PTBP1: variants seen among roughly 807,000 people sequenced by gnomAD.
The protein encoded by PTBP1 is polypyrimidine tract-binding protein 1.
A neutral mutation model predicts 59.8 loss-of-function variants in PTBP1; 8 were observed. The ratio of observed to expected loss-of-function variants is 0.13; its 90% confidence interval spans 0.08 to 0.24. The LOEUF (loss-of-function observed/expected upper bound fraction) is 0.24, where lower values mean the gene tolerates loss of function less well. PTBP1 is among the 10% of genes least tolerant of loss of function. PTBP1 has a pLI of 1.00. For missense variants in PTBP1, 686 were observed against 767.0 expected, an observed-to-expected ratio of 0.89 and a Z score of 1.25; for synonymous variants, 490 against 320.7, an observed-to-expected ratio of 1.53 and a Z score of -5.64.
chr19:806,247 G>C, intron 9 of PTBP1, 161 bp from the exon 10 acceptor site: 2 of 720,076 alleles, frequency 2.8e-6, no homozygotes, highest in South Asian at 2.3e-5. Flanking sequence ...GTGGCTGTGC[G>C]GGGGTCGGAC....
intron 13 of PTBP1, among the ~76,000 whole-genome samples, chr19:809,197 C>T (rs1233103043): frequency 6.6e-5 from 10 of 151,904 alleles, no homozygotes; most frequent in South Asian, 2.1e-4. Context: ...TTAGTAGAGA[C>T]GGGGTTTCAC....
chr19:808,292 CG>C lies in PTBP1; in HGVS notation c.1154-64del. 7.5e-7 allele frequency: 1 copy of C among 1,337,364 alleles called. No individual in the cohort carries two copies. The highest frequency in any genetic ancestry group is 1.0e-6 in the Non-Finnish European group (1 of 954,826). 82.8% of individuals were successfully genotyped at this position (1,337,364 alleles called of 1,614,324 possible). A position where few individuals can be genotyped will look rare whatever the true frequency, so the allele number is the denominator to read the frequency against. ...CGGGCCTTGTGGGGGTGCGCGGGGC[CG>C]GGGCTGACGGGGAGATGGGCGGGGC... On this transcript the variant is annotated intron_variant, in intron 11 of 14. Coordinates refer to ENST00000356948, the MANE Select transcript of PTBP1 (RefSeq NM_002819.5). The surrounding 1 kb of genome is among the most constrained non-coding windows in gnomAD (Gnocchi z 4.7).
At chr19:803,407 G>C (rs923022082) in intron 2 of PTBP1, among the ~76,000 whole-genome samples, 154 bp from the exon 3 acceptor site, 1 of 152,208 alleles carries the variant, frequency 6.6e-6, no homozygotes, top group Non-Finnish European at 1.5e-5. Flanking sequence ...GGCTGGGTCT[G>C]CGCTCAGGCT....
At chr19:801,681 A>T (rs558900387) in intron 2 of PTBP1, among the ~76,000 whole-genome samples, 42 of 152,284 alleles carry the variant, frequency 2.8e-4, no homozygotes, top group African/African-American at 1.0e-3. Flanking sequence ...AGCAGACAGG[A>T]AGCGACTTCC....
chr19:805,333 C>A, intron 8 of PTBP1, 146 bp downstream of exon 8: 5 of 1,207,476 alleles, frequency 4.1e-6, no homozygotes, highest in Non-Finnish European at 5.9e-6. Context: ...GGTCCAGTGT[C>A]CCCCACGTCG....
chr19:809,403 G>T (rs139822492), intron 13 of PTBP1, among the ~76,000 whole-genome samples: 335 of 152,074 alleles, frequency 2.2e-3, no homozygotes, highest in African/African-American at 7.8e-3. Context: ...TGCAAGTTCT[G>T]CCTCCTGGGT....
chr19:804,982 C>A (rs780895451), intron 7 of PTBP1, 31 bp from the exon 8 acceptor site: 5 of 1,612,130 alleles, frequency 3.1e-6, no homozygotes, highest in African/African-American at 1.3e-5. Context: ...GGCCCTGGCC[C>A]GGCGACGTCT....
intron 10 of PTBP1, 116 bp downstream of exon 10, chr19:806,672 C>A: frequency 9.7e-7 from 1 of 1,028,106 alleles, no homozygotes; most frequent in Non-Finnish European, 1.3e-6. Flanking sequence ...CGCCTCTGCC[C>A]TGGCAGCCCC....
Position 803,586 on chromosome 19 carries a change from C to T in PTBP1, c.65C>T (p.Thr22Ile), listed in dbSNP as rs150037050. The T allele has an allele frequency of 7.4e-6, 12 of 1,614,060 alleles. No homozygotes were observed. In the African/African-American group the frequency reaches 1.3e-4, roughly 18 times the overall value. Residue 22 changes from threonine (T) to isoleucine (I), a missense_variant, in exon 3 of 15, where the codon ACT becomes ATT. Coordinates refer to ENST00000356948, the MANE Select transcript of PTBP1 (RefSeq NM_002819.5). ...TKRGSDELFS[T>I]CVTNGPFIMS... The stretch of plus-strand genomic sequence containing the variant: ...CGGGGATCTGACGAGCTTTTCTCTA[C>T]TTGTGTCACTAACGGACCGTTTATC...
Position 811,708 on chromosome 19 carries a change from T to A in PTBP1, c.*882T>A, listed in dbSNP as rs1335342255. ...GTGGGTCAGGCACAGGGAGCCCCGG[T>A]CCTATCTTAGAGCCCCTGAGCTTCA... On this transcript the variant is annotated 3_prime_UTR_variant, in exon 15 of 15. Coordinates refer to ENST00000356948, the MANE Select transcript of PTBP1 (RefSeq NM_002819.5). 6.6e-6 allele frequency: 1 copy of A among 152,356 alleles called. No homozygotes were observed. Among genetic ancestry groups the A allele is most frequent in the Non-Finnish European group, 1.5e-5 (1 of 68,036 alleles). 9.4% of individuals were successfully genotyped at this position (152,356 alleles called of 1,614,324 possible).
rs1444631966 is a variant in PTBP1 at position 804,675 on chromosome 19, C to T, written c.579C>T (p.Tyr193=). 9 of 1,612,882 alleles carry T rather than the reference C, an allele frequency of 5.6e-6. No individual in the cohort carries two copies. The highest frequency in any genetic ancestry group is 2.2e-5 in the East Asian group (1 of 44,878). The change falls in exon 6 of 15, where the codon TAC becomes TAT. Residue 193 remains tyrosine, a synonymous_variant. Coordinates refer to ENST00000356948, the MANE Select transcript of PTBP1 (RefSeq NM_002819.5). ...GGATCATCGTGGAGAACCTCTTCTA[C>T]CCTGTGACCCTGGATGTGCTGCACC... The part of the protein sequence containing the change: ...VLRIIVENLF[Y]PVTLDVLHQI...
chr19:807,646 CAAAA>C, intron 10 of PTBP1: 4 of 490,568 alleles, frequency 8.2e-6, no homozygotes, highest in Non-Finnish European at 1.4e-5. Context: ...TTGCTTGAAA[CAAAA>C]CAAAAACATA....
chr19:806,117 G>T, intron 9 of PTBP1: 1 of 351,256 alleles, frequency 2.8e-6, no homozygotes, highest in Admixed American at 4.9e-5. Flanking sequence ...CGAGGGCCCC[G>T]TGTCTGTGCT....
At chr19:798,551 TC>T (rs1322103778) in intron 1 of PTBP1, 1 of 152,164 alleles carries the variant, frequency 6.6e-6, no homozygotes, top group African/African-American at 2.4e-5. Context: ...GGCAGGTGGG[TC>T]CTGCAGACGG....
chr19:808,137 C>G lies in PTBP1; in HGVS notation c.1154-223C>G, dbSNP rs2034663303. 1 of 629,642 alleles carries G rather than the reference C, an allele frequency of 1.6e-6. No homozygotes were observed. The highest frequency in any genetic ancestry group is 1.9e-5 in the South Asian group (1 of 51,576). 39.0% of individuals were successfully genotyped at this position (629,642 alleles called of 1,614,324 possible). A position where few individuals can be genotyped will look rare whatever the true frequency, so the allele number is the denominator to read the frequency against. ...CTGTCGGTGGCATATGCCACCGTGG[C>G]CACCCGCTGGCAGCTTACCTGTCCT... On this transcript the variant is annotated intron_variant, in intron 11 of 14. Transcript: ENST00000356948. This position sits in a 1 kb window ranked among gnomAD's most constrained non-coding sequence, Gnocchi z 4.7.
Position 808,718 on chromosome 19 carries a change from G to T in PTBP1, c.1419G>T (p.Gln473His). The stretch of plus-strand genomic sequence containing the variant: ...AGAAGCCGGGCTCCAAGAACTTCCA[G>T]AACATATTCCCGCCCTCGGCCACGC... ...RFKKPGSKNF[Q>H]NIFPPSATLH... Residue 473 changes from glutamine to histidine, a missense_variant, in exon 13 of 15, where the codon CAG (glutamine) becomes CAT (histidine). Gln to His is a conservative substitution (Grantham distance 24). Transcript: ENST00000356948. The surrounding 1 kb of genome is among the most constrained non-coding windows in gnomAD (Gnocchi z 4.7). 6.2e-7 allele frequency: 1 copy of T among 1,613,218 alleles called. No homozygotes were observed. The highest frequency in any genetic ancestry group is 8.5e-7 in the Non-Finnish European group (1 of 1,179,898).
intron 4 of PTBP1, 24 bp from the exon 5 acceptor site, chr19:804,268 C>T: frequency 6.2e-7 from 1 of 1,612,984 alleles, no homozygotes; most frequent in Non-Finnish European, 8.5e-7. Flanking sequence ...GAGGAGGGCC[C>T]AGCGCTCACT....
Position 806,502 on chromosome 19 carries a change from G to C in PTBP1, c.1065G>C (p.Pro355=). ...CGGCGGCAGGTCGGATCGCCATCCC[G>C]GGCCTGGCGGGGGCAGGAAATTCTG... ...AAAAAGRIAI[P]GLAGAGNSVL... The change falls in exon 10 of 15, where the codon CCG becomes CCC. Residue 355 remains proline, a synonymous_variant. Coordinates refer to ENST00000356948, the MANE Select transcript of PTBP1 (RefSeq NM_002819.5). 1.9e-6 allele frequency: 3 copies of C among 1,572,818 alleles called. No individual in the cohort carries two copies. The highest frequency in any genetic ancestry group is 4.8e-5 in the East Asian group (2 of 41,292).
At position 808,625 on chromosome 19, in the gene PTBP1, G is replaced by T. The variant is rs1026736201; in HGVS notation, c.1326G>T (p.Leu442=). 1 of 1,610,870 alleles carries T rather than the reference G, an allele frequency of 6.2e-7. No individual in the cohort carries two copies. Residue 442 remains leucine, a synonymous_variant, in exon 13 of 15, where the codon CTG becomes CTT. Coordinates refer to ENST00000356948, the MANE Select transcript of PTBP1 (RefSeq NM_002819.5). The surrounding 1 kb of genome is among the most constrained non-coding windows in gnomAD (Gnocchi z 4.7). The stretch of plus-strand genomic sequence containing the variant: ...TCTCGAAGCACCAGAACGTGCAGCT[G>T]CCCCGCGAGGGCCAGGAGGACCAGG... The part of the protein sequence containing the change: ...ITLSKHQNVQ[L]PREGQEDQGL...
Sources: gnomAD v4.1 joint callset for allele counts (sites outside exome capture counted in the v4.1 genomes callset) on GRCh38, gnomAD v4.1.1 for gene constraint, Gnocchi (gnomAD v3.1) non-coding constraint, MANE v1.5 for transcripts, NCBI Gene and HGNC (gene_info 2026-07-23, HGNC 2026-07-21) for gene names.